Variants in TK2 observed in about 807,000 individuals in gnomAD.
TK2 encodes the protein thymidine kinase 2, also known as thymidine kinase 2, mitochondrial.
TK2 carries 35 observed loss-of-function variants against 41.9 expected under a neutral mutation model. That is an observed-to-expected ratio of 0.84 (90% CI 0.64 to 1.11). TK2 has a LOEUF of 1.11. TK2 is among the 50% of genes least tolerant of loss of function. The probability of loss-of-function intolerance (pLI) is 0.00; values close to 1 mark genes in which losing one functional copy is unlikely to be tolerated. For synonymous variants in TK2, 128 were observed against 129.1 expected (o/e 0.99, Z 0.06); for missense variants, 320 against 351.1 (o/e 0.91, Z 0.71).
chr16:66,527,694 C>T (rs1964976570), intron 6 of TK2, among the ~76,000 whole-genome samples: 1 of 152,036 alleles, frequency 6.6e-6, no homozygotes, highest in Non-Finnish European at 1.5e-5. Context: ...CATATGATTG[C>T]CTTAAATACT....
At position 66,511,988 on chromosome 16, in the gene TK2, T is replaced by C. The variant is rs1342303320; in HGVS notation, c.778A>G (p.Asn260Asp). Residue 260 changes from asparagine (N) to aspartate (D), a missense_variant, in exon 10 of 10, where the codon AAT becomes GAT. Transcript: ENST00000544898. ...GCCTCCTATGGGCAATGCTTCCGAT[T>C]CTCTGGAGTTAATATTCGATCCCGA... ...QNRDRILTPENRKHCP is the reference protein window; with the variant it reads ...QNRDRILTPEDRKHCP The C allele has an allele frequency of 6.2e-7, 1 of 1,614,106 alleles. No homozygotes were observed. The highest frequency in any genetic ancestry group is 1.3e-5 in the African/African-American group (1 of 74,934).
intron 6 of TK2, among the ~76,000 whole-genome samples, chr16:66,519,058 T>G (rs1332950775): frequency 1.3e-5 from 2 of 152,002 alleles, no homozygotes; most frequent in Non-Finnish European, 1.5e-5. Flanking sequence ...GCCCCCCAGG[T>G]TCACGCCATT....
At chr16:66,549,363 A>AC in intron 1 of TK2, 1 of 1,137,984 alleles carries the variant, frequency 8.8e-7, no homozygotes, top group Non-Finnish European at 1.1e-6. Flanking sequence ...TGGGCGGCGG[A>AC]CGTGGTTTTG....
intron 4 of TK2, among the ~76,000 whole-genome samples, chr16:66,533,781 G>A (rs1315182696): frequency 1.3e-5 from 2 of 151,972 alleles, no homozygotes; most frequent in South Asian, 2.1e-4. Flanking sequence ...GCCGAGGTGC[G>A]CGGATCACGA....
intron 4 of TK2, among the ~76,000 whole-genome samples, chr16:66,533,188 G>A (rs962510493): frequency 6.6e-6 from 1 of 150,394 alleles, no homozygotes; most frequent in Non-Finnish European, 1.5e-5. Context: ...TCCTGCCTCA[G>A]CCTCCCAAGT....
intron 3 of TK2, 84 bp downstream of exon 3, chr16:66,541,795 A>G (rs928441516): frequency 1.1e-5 from 15 of 1,405,754 alleles, no homozygotes; most frequent in African/African-American, 2.8e-5. Flanking sequence ...TTATAGTCCT[A>G]TTGGACAAGG....
chr16:66,520,864 A>C (rs1170597878), intron 6 of TK2, among the ~76,000 whole-genome samples: 1 of 152,220 alleles, frequency 6.6e-6, no homozygotes. Context: ...GAAAAAGAAG[A>C]CTGAGAACAA....
intron 3 of TK2, among the ~76,000 whole-genome samples, 180 bp downstream of exon 3, chr16:66,541,699 G>C (rs1372453192): frequency 2.0e-5 from 3 of 152,096 alleles, no homozygotes; most frequent in Non-Finnish European, 2.9e-5. Context: ...TTACAGGCTT[G>C]AGCCACTGCA....
chr16:66,541,867 T>G lies in TK2; in HGVS notation c.231+12A>C, dbSNP rs547418818. ...TTCTCCGCTTCCTTCAAACCTAGCA[T>G]AGAGGCTGTACCTCGACGTCTGTCG... On this transcript the variant is annotated intron_variant, in intron 3 of 9. Transcript: ENST00000544898. 1.2e-6 allele frequency: 2 copies of G among 1,614,106 alleles called. No homozygotes were observed. The highest frequency in any genetic ancestry group is 1.7e-6 in the Non-Finnish European group (2 of 1,179,950).
intron 4 of TK2, among the ~76,000 whole-genome samples, chr16:66,535,340 G>A (rs935504773): frequency 1.3e-5 from 2 of 152,156 alleles, no homozygotes; most frequent in Admixed American, 6.5e-5. Context: ...ATTCTGTCCC[G>A]TGAAACGTCA....
Position 66,548,971 on chromosome 16 carries a change from G to T in TK2, c.156+7C>A, listed in dbSNP as rs1206524207. On this transcript the variant is annotated splice_region_variant and intron_variant, in intron 2 of 9. Coordinates refer to ENST00000544898, the MANE Select transcript of TK2 (RefSeq NM_004614.5). ...TCCTAGAGAGTACACATAAAAGAGG[G>T]ACTTACCACTGATTTTTTCTCTTTT... The T allele has an allele frequency of 6.2e-7, 1 of 1,611,702 alleles. No individual in the cohort carries two copies. The highest frequency in any genetic ancestry group is 2.2e-5 in the East Asian group (1 of 44,852).
chr16:66,530,923 A>G (rs1965091367), intron 5 of TK2, among the ~76,000 whole-genome samples: 1 of 152,010 alleles, frequency 6.6e-6, no homozygotes, highest in African/African-American at 2.4e-5. Flanking sequence ...GGGTTTCACC[A>G]TGTTGGCCAG....
intron 4 of TK2, 105 bp downstream of exon 4, chr16:66,536,858 TA>T: frequency 7.4e-7 from 1 of 1,360,262 alleles, no homozygotes; most frequent in Non-Finnish European, 1.1e-6. Flanking sequence ...CCAACTCAGT[TA>T]AGAGCGCAGA....
At chr16:66,512,948 T>C (rs1964495905) in intron 9 of TK2, among the ~76,000 whole-genome samples, 2 of 152,298 alleles carry the variant, frequency 1.3e-5, no homozygotes, top group South Asian at 2.1e-4. Context: ...ACAATGCTCC[T>C]ATAGCCATGC....
chr16:66,538,931 G>A (rs1220834947), intron 3 of TK2, among the ~76,000 whole-genome samples: 1 of 152,100 alleles, frequency 6.6e-6, no homozygotes, highest in Non-Finnish European at 1.5e-5. Flanking sequence ...TAGCGACCCT[G>A]GACAAGCCAC....
chr16:66,543,709 G>T (rs1008845345), intron 2 of TK2, among the ~76,000 whole-genome samples: 1 of 152,118 alleles, frequency 6.6e-6, no homozygotes, highest in Non-Finnish European at 1.5e-5. Flanking sequence ...TGGAGCCTCA[G>T]TCACACCTCA....
chr16:66,549,124 A>T (rs1965699367), intron 1 of TK2, 115 bp from the exon 2 acceptor site: 3 of 1,561,320 alleles, frequency 1.9e-6, no homozygotes, highest in Non-Finnish European at 2.6e-6. Context: ...TGGCCTAAAA[A>T]CATTTTCCAT....
At chr16:66,523,020 G>A (rs1481365580) in intron 6 of TK2, among the ~76,000 whole-genome samples, 1 of 152,192 alleles carries the variant, frequency 6.6e-6, no homozygotes, top group African/African-American at 2.4e-5. Context: ...GCCAGAAGAG[G>A]TGGGTCTTTT....
At chr16:66,545,621 C>A (rs150542235) in intron 2 of TK2, among the ~76,000 whole-genome samples, 8 of 152,096 alleles carry the variant, frequency 5.3e-5, no homozygotes, top group African/African-American at 1.4e-4. Flanking sequence ...GTTAGGAGTT[C>A]GAGACCAGCC....
Sources: gnomAD v4.1 joint callset for allele counts (sites outside exome capture counted in the v4.1 genomes callset) on GRCh38, gnomAD v4.1.1 for gene constraint, MANE v1.5 for transcripts, NCBI Gene and HGNC (gene_info 2026-07-23, HGNC 2026-07-21) for gene names.